Variants in MALRD1 observed in about 807,000 individuals in gnomAD.
The protein encoded by MALRD1 is MAM and LDL-receptor class A domain-containing protein 1.
In MALRD1, 247 loss-of-function variants were observed where a neutral mutation model predicts 242.1. The observed-to-expected ratio is 1.02, with a 90% CI of 0.92 to 1.13. The LOEUF (loss-of-function observed/expected upper bound fraction) is 1.13. Among genes scored for constraint, MALRD1 ranks in the 50% most tolerant of loss-of-function variants. MALRD1 has a pLI of 0.00. For missense variants in MALRD1, 2,989 were observed against 2,533.1 expected (o/e 1.18, Z -3.86); for synonymous variants, 995 against 866.6 (o/e 1.15, Z -2.60).
At chr10:19,658,191 A>T (rs979103327) in intron 36 of MALRD1, among the ~76,000 whole-genome samples, 3 of 152,142 alleles carry the variant, frequency 2.0e-5, no homozygotes. Flanking sequence ...TTCAAAATGT[A>T]CAAGTCATAA....
chr10:19,110,839 T>C (rs953085301), intron 5 of MALRD1, among the ~76,000 whole-genome samples: 4 of 152,170 alleles, frequency 2.6e-5, no homozygotes, highest in Non-Finnish European at 5.9e-5. Flanking sequence ...CATTTTGTAC[T>C]AGTGTTATTC....
intron 24 of MALRD1, among the ~76,000 whole-genome samples, chr10:19,336,159 C>A (rs1843603713): frequency 6.6e-6 from 1 of 152,180 alleles, no homozygotes; most frequent in Non-Finnish European, 1.5e-5. Context: ...ATCTGAATAA[C>A]ACTTCTACAA....
At chr10:19,372,947 A>G (rs1311420520) in intron 26 of MALRD1, among the ~76,000 whole-genome samples, 1 of 152,088 alleles carries the variant, frequency 6.6e-6, no homozygotes, top group African/African-American at 2.4e-5. Flanking sequence ...ATTTTTCGCT[A>G]TCATTATATT....
intron 32 of MALRD1, among the ~76,000 whole-genome samples, chr10:19,558,587 C>T (rs1835825381): frequency 6.6e-6 from 1 of 152,110 alleles, no homozygotes; most frequent in African/African-American, 2.4e-5. Context: ...ATAAATCCTA[C>T]CAGATCATGG....
At chr10:19,175,505 C>T (rs1309244344) in intron 14 of MALRD1, among the ~76,000 whole-genome samples, 177 bp downstream of exon 14, 1 of 139,034 alleles carries the variant, frequency 7.2e-6, no homozygotes, top group African/African-American at 2.6e-5. Context: ...AACATCTGGT[C>T]TAGTCCTTAG....
intron 26 of MALRD1, among the ~76,000 whole-genome samples, chr10:19,374,825 G>T (rs1240830523): frequency 6.6e-6 from 1 of 151,962 alleles, no homozygotes; most frequent in African/African-American, 2.4e-5. Flanking sequence ...AGGACCTGGG[G>T]GATTATATGA....
At chr10:19,108,766 G>A (rs1211802102) in intron 5 of MALRD1, among the ~76,000 whole-genome samples, 2 of 152,040 alleles carry the variant, frequency 1.3e-5, no homozygotes, top group Non-Finnish European at 2.9e-5. Flanking sequence ...ATCTCATTGA[G>A]TTACCTTAAA....
intron 32 of MALRD1, among the ~76,000 whole-genome samples, chr10:19,535,938 C>T (rs1269878240): frequency 6.6e-6 from 1 of 151,972 alleles, no homozygotes; most frequent in East Asian, 1.9e-4. Flanking sequence ...AAAGAAAATA[C>T]CTAAGATGAA....
At chr10:19,238,458 TATATAATATAATATATA>T (rs1838544821) in intron 18 of MALRD1, among the ~76,000 whole-genome samples, 1 of 44,708 alleles carries the variant, frequency 2.2e-5, no homozygotes, top group African/African-American at 1.3e-4. Context: ...TTATATATAA[TATATAATATAATATATA>T]ATATACATTA....
intron 33 of MALRD1, among the ~76,000 whole-genome samples, chr10:19,577,068 AG>A (rs1443639612): frequency 2.0e-5 from 3 of 151,000 alleles, no homozygotes; most frequent in African/African-American, 7.3e-5. Context: ...AACATAGAGT[AG>A]GTATGTATTG....
intron 12 of MALRD1, among the ~76,000 whole-genome samples, chr10:19,158,660 G>C (rs1490576321): frequency 6.6e-6 from 1 of 152,324 alleles, no homozygotes; most frequent in Admixed American, 6.5e-5. Context: ...TATCTACTGT[G>C]TGTTGATCAC....
rs1431861125 is a variant in MALRD1, at chr10:19,567,638, A to T, written c.5615A>T (p.Asp1872Val). 1.5e-5 allele frequency: 24 copies of T among 1,550,592 alleles called. No individual in the cohort carries two copies. The Middle Eastern group carries it at 6.7e-4, about 43-fold the overall frequency. ...PFKVAFEADL[D>V]GNEDIFIALD... ...AAGGTGGCATTTGAAGCTGATTTGG[A>T]TGGAAATGAGGACATCTTTATTGCT... The change falls in exon 33 of 40, where the codon GAT (aspartate) becomes GTT (valine). Residue 1872 changes from aspartate (D) to valine (V), a missense_variant. Coordinates refer to ENST00000454679, the MANE Select transcript of MALRD1 (RefSeq NM_001142308.3).
chr10:19,410,300 A>G (rs1833223778), intron 28 of MALRD1, among the ~76,000 whole-genome samples: 1 of 152,072 alleles, frequency 6.6e-6, no homozygotes, highest in Admixed American at 6.6e-5. Context: ...TTGATATCTC[A>G]CGCCCAAGTT....
At chr10:19,240,731 G>A (rs1394860866) in intron 18 of MALRD1, among the ~76,000 whole-genome samples, 2 of 151,984 alleles carry the variant, frequency 1.3e-5, no homozygotes, top group African/African-American at 4.8e-5. Flanking sequence ...CTGCATTGAG[G>A]TACACTCCTA....
At chr10:19,721,918 A>T (rs1834775392) in intron 38 of MALRD1, 1 of 152,270 alleles carries the variant, frequency 6.6e-6, no homozygotes, top group Non-Finnish European at 1.5e-5. Context: ...TAAGCGGAAC[A>T]GGAAGCTACA....
chr10:19,529,903 C>T (rs1195648383), intron 31 of MALRD1, among the ~76,000 whole-genome samples: 1 of 151,978 alleles, frequency 6.6e-6, no homozygotes, highest in Non-Finnish European at 1.5e-5. Context: ...TAGATCATTA[C>T]TCCAAGAAGA....
intron 36 of MALRD1, among the ~76,000 whole-genome samples, chr10:19,616,230 C>G (rs1324914817): frequency 6.6e-6 from 1 of 151,890 alleles, no homozygotes; most frequent in African/African-American, 2.4e-5. Flanking sequence ...AGATATTTTT[C>G]TGATATGAAT....
intron 21 of MALRD1, among the ~76,000 whole-genome samples, chr10:19,319,836 TG>T (rs1183353832): frequency 1.3e-5 from 2 of 152,086 alleles, no homozygotes; most frequent in Non-Finnish European, 2.9e-5. Context: ...CATGTGAATT[TG>T]GGGGGAACAC....
intron 5 of MALRD1, among the ~76,000 whole-genome samples, chr10:19,118,096 C>T (rs894808191): frequency 1.6e-4 from 24 of 151,990 alleles, no homozygotes; most frequent in Admixed American, 6.6e-5. Flanking sequence ...ATAAGAAGTT[C>T]TAGAAATGAG....
Sources: allele counts gnomAD v4.1 joint callset (sites outside exome capture counted in the v4.1 genomes callset), GRCh38; gene constraint gnomAD v4.1.1; transcripts MANE v1.5; gene names NCBI Gene and HGNC (gene_info 2026-07-23, HGNC 2026-07-21).